Variants in TBL1X observed in about 807,000 individuals in gnomAD.
TBL1X encodes transducin beta like 1 X-linked.
A neutral mutation model predicts 50.7 loss-of-function variants in TBL1X; 10 were observed. The ratio of observed to expected loss-of-function variants is 0.20; its 90% CI spans 0.12 to 0.33. TBL1X has a LOEUF of 0.33. Ranked by LOEUF, TBL1X falls within the 10% of genes least tolerant of loss-of-function variation. The pLI is 1.00. For missense variants in TBL1X, 340 were observed against 504.4 expected, an observed-to-expected ratio of 0.67 and a Z score of 3.12; for synonymous variants, 190 against 214.7, an observed-to-expected ratio of 0.88 and a Z score of 1.01.
chrX:9,470,495 A>G (rs1045763649), intron 1 of TBL1X, among the ~76,000 whole-genome samples: 2 of 112,441 alleles, frequency 1.8e-5, no homozygotes, highest in Non-Finnish European at 3.8e-5. Context: ...ACCTCAGGTG[A>G]TCCACCTGCT....
At chrX:9,585,027 A>G (rs1268600746) in intron 2 of TBL1X, among the ~76,000 whole-genome samples, 1 of 111,925 alleles carries the variant, frequency 8.9e-6, no homozygotes, top group African/African-American at 3.2e-5. Context: ...ATCCAACTGC[A>G]AGGAGAGAAG....
At chrX:9,673,026 G>A (rs2082969591) in intron 5 of TBL1X, among the ~76,000 whole-genome samples, 1 of 111,863 alleles carries the variant, frequency 8.9e-6, no homozygotes, top group Admixed American at 9.4e-5. Context: ...GGTGGAAGAG[G>A]CAAGGGAGCT....
At chrX:9,633,933 G>C (rs1351605908) in intron 2 of TBL1X, among the ~76,000 whole-genome samples, 1 of 111,282 alleles carries the variant, frequency 9.0e-6, no homozygotes, top group Non-Finnish European at 1.9e-5. Context: ...AGGATAGAGG[G>C]GTTCACAGGA....
At chrX:9,463,689 C>CT (rs2081750225), upstream of TBL1X, among the ~76,000 whole-genome samples, 1 of 111,698 alleles carries the variant, frequency 9.0e-6, no homozygotes, top group Non-Finnish European at 1.9e-5. Flanking sequence ...GTCAGGAGTT[C>CT]AGACCAGTCT....
intron 2 of TBL1X, among the ~76,000 whole-genome samples, chrX:9,618,413 C>T (rs1249560734): frequency 1.8e-5 from 2 of 112,257 alleles, no homozygotes; most frequent in African/African-American, 6.5e-5. Flanking sequence ...CGGTGGCTCA[C>T]GCCTGTAATC....
chrX:9,491,324 ATATATATATATATAT>A (rs368288500), intron 1 of TBL1X, among the ~76,000 whole-genome samples: 23,764 of 67,352 alleles, frequency 0.35, 2,677 homozygotes, highest in East Asian at 0.57. Flanking sequence ...ATATATATAT[ATATATATATATATAT>A]TTTTTTTTTT....
chrX:9,541,572 G>A (rs2082215042), intron 2 of TBL1X, among the ~76,000 whole-genome samples: 1 of 112,791 alleles, frequency 8.9e-6, no homozygotes, highest in Admixed American at 9.3e-5. Context: ...AGGAACGACT[G>A]CCACTGGTGG....
rs146327031 is a variant in TBL1X, at chrX:9,512,924, T to C, written c.-131+11075T>C. Among the ~76,000 whole-genome samples the C allele has an allele frequency of 8.2e-3, 915 of 111,398 alleles. 16 individuals carry two copies. The highest frequency in any genetic ancestry group is 0.029 in the African/African-American group (879 of 30,678). On this transcript the variant is annotated intron_variant, in intron 2 of 17. Coordinates refer to ENST00000645353, the MANE Select transcript of TBL1X (RefSeq NM_005647.4). ...TGACTATACGGCTTCCTAGCCCCCT[T>C]TATTTGAAAAACCAGCGTGGTCTTC...
At chrX:9,689,340 C>T (rs1416928470) in intron 7 of TBL1X, among the ~76,000 whole-genome samples, 4 of 112,304 alleles carry the variant, frequency 3.6e-5, no homozygotes. Context: ...TGACAAGTTA[C>T]CATCCACAGG....
intron 3 of TBL1X, among the ~76,000 whole-genome samples, chrX:9,643,011 C>T (rs1289324615): frequency 8.9e-6 from 1 of 112,429 alleles, no homozygotes; most frequent in African/African-American, 3.2e-5. Flanking sequence ...AAGACAGACT[C>T]TAAATTGTGA....
At chrX:9,588,092 A>G (rs755525925) in intron 2 of TBL1X, among the ~76,000 whole-genome samples, 72 of 112,451 alleles carry the variant, frequency 6.4e-4, no homozygotes, top group African/African-American at 2.3e-3. Context: ...AAAAATAATA[A>G]TGCAACAATA....
chrX:9,636,530 T>C (rs1302940814), intron 2 of TBL1X: 1 of 95,555 alleles, frequency 1.0e-5, no homozygotes, highest in Admixed American at 1.2e-4. Context: ...ACAACAACCA[T>C]GTATGGTCCA....
At chrX:9,558,674 G>T (rs1385537829) in intron 2 of TBL1X, among the ~76,000 whole-genome samples, 2 of 111,124 alleles carry the variant, frequency 1.8e-5, no homozygotes, top group African/African-American at 6.5e-5. Context: ...GGGTTACTAG[G>T]CACCTGTTAA....
At chrX:9,652,863 AAAAG>A (rs1229097496) in intron 3 of TBL1X, among the ~76,000 whole-genome samples, 32 of 109,900 alleles carry the variant, frequency 2.9e-4, no homozygotes, top group Admixed American at 5.8e-4. Context: ...AAAAAAAAAA[AAAAG>A]AAAGAAAGAA....
Position 9,553,360 on chromosome X carries a change from G to A in TBL1X, c.-131+51511G>A, listed in dbSNP as rs188837610. ...TAGAAGCTGGACAAGGCAAGGAATC[G>A]AATTCTCCCCTGAAGCCTTTAAAAA... On this transcript the variant is annotated intron_variant, in intron 2 of 17. Coordinates refer to ENST00000645353, the MANE Select transcript of TBL1X (RefSeq NM_005647.4). Among the ~76,000 whole-genome samples, 3 of 111,741 alleles carry A rather than the reference G, an allele frequency of 2.7e-5. No homozygotes were observed. The East Asian group carries it at 8.5e-4, about 32-fold the overall frequency.
intron 2 of TBL1X, among the ~76,000 whole-genome samples, chrX:9,579,716 T>C (rs1368242030): frequency 9.0e-6 from 1 of 111,540 alleles, no homozygotes; most frequent in Non-Finnish European, 1.9e-5. Flanking sequence ...GCACTGCTTA[T>C]TGGGTGGTTT....
intron 1 of TBL1X, among the ~76,000 whole-genome samples, chrX:9,488,188 G>C (rs1373304747): frequency 1.8e-5 from 2 of 112,065 alleles, no homozygotes; most frequent in South Asian, 3.6e-4. Flanking sequence ...TTCATTTCTT[G>C]TCCTACTGTG....
intron 7 of TBL1X, among the ~76,000 whole-genome samples, chrX:9,689,455 C>T (rs1430386562): frequency 3.6e-5 from 4 of 112,048 alleles, no homozygotes; most frequent in African/African-American, 1.3e-4. Flanking sequence ...AGGCCACCTG[C>T]CTCAGGTAAA....
intron 2 of TBL1X, among the ~76,000 whole-genome samples, chrX:9,559,930 C>A (rs1307745142): frequency 2.7e-5 from 3 of 111,779 alleles, no homozygotes; most frequent in East Asian, 5.6e-4. Context: ...TGCAGCAGCC[C>A]CGGTTTTTCT....
Sources: gnomAD v4.1 joint callset for allele counts (sites outside exome capture counted in the v4.1 genomes callset) on GRCh38, gnomAD v4.1.1 for gene constraint, MANE v1.5 for transcripts, NCBI Gene and HGNC (gene_info 2026-07-23, HGNC 2026-07-21) for gene names.